Variants in KCNJ12 observed in about 807,000 individuals in gnomAD.
KCNJ12 encodes potassium inwardly rectifying channel subfamily J member 12, also known as ATP-sensitive inward rectifier potassium channel 12.
KCNJ12 carries 2 observed loss-of-function variants against 22.3 expected under a neutral mutation model. The observed-to-expected ratio is 0.09, with a 90% CI of 0.04 to 0.28. The LOEUF is 0.28. KCNJ12 is among the 10% of genes least tolerant of loss of function. KCNJ12 has a pLI of 1.00. For synonymous variants in KCNJ12, 117 were observed against 261.4 expected (o/e 0.45, Z 5.33); for missense variants, 155 against 633.3 (o/e 0.24, Z 8.11).
At chr17:21,410,540 A>AG (rs1334280210) in intron 2 of KCNJ12, among the ~76,000 whole-genome samples, 1 of 152,288 alleles carries the variant, frequency 6.6e-6, no homozygotes, top group Non-Finnish European at 1.5e-5. Flanking sequence ...CTTGATCATG[A>AG]GGTAGAGTGC....
At chr17:21,381,656 C>T (rs960508312) in intron 1 of KCNJ12, among the ~76,000 whole-genome samples, 1 of 152,218 alleles carries the variant, frequency 6.6e-6, no homozygotes, top group Admixed American at 6.5e-5. Flanking sequence ...TCCAGGACCT[C>T]CCCTGATTCC....
chr17:21,385,430 T>A (rs1403034939), intron 1 of KCNJ12, among the ~76,000 whole-genome samples: 4 of 152,304 alleles, frequency 2.6e-5, no homozygotes, highest in Middle Eastern at 3.4e-3. Context: ...CCTGGCCTCC[T>A]TGATCCCTAT....
intron 1 of KCNJ12, among the ~76,000 whole-genome samples, chr17:21,392,542 G>A (rs1567698691): frequency 1.3e-5 from 2 of 152,252 alleles, no homozygotes; most frequent in African/African-American, 2.4e-5. Flanking sequence ...GGACCAGCAG[G>A]AGCCCCACCA....
intron 1 of KCNJ12, among the ~76,000 whole-genome samples, chr17:21,391,780 G>A (rs1323292374): frequency 2.0e-5 from 3 of 152,188 alleles, no homozygotes; most frequent in Non-Finnish European, 2.9e-5. Flanking sequence ...TCAGAACTGG[G>A]CTCCCATCTA....
intron 1 of KCNJ12, among the ~76,000 whole-genome samples, chr17:21,407,993 T>TCATCATCCATCCATCCATC (rs1906076757): frequency 7.4e-6 from 1 of 134,472 alleles, no homozygotes; most frequent in African/African-American, 2.8e-5. Flanking sequence ...CACCCATCCA[T>TCATCATCCATCCATCCATC]CATCCATCCA....
intron 1 of KCNJ12, among the ~76,000 whole-genome samples, chr17:21,396,142 C>T (rs1055837035): frequency 6.6e-6 from 1 of 152,288 alleles, no homozygotes; most frequent in Admixed American, 6.5e-5. Flanking sequence ...GCTGCCCTGG[C>T]CTTGGGGTTG....
chr17:21,412,459 GC>G (rs1292203982), intron 2 of KCNJ12, among the ~76,000 whole-genome samples: 1 of 152,308 alleles, frequency 6.6e-6, no homozygotes, highest in Non-Finnish European at 1.5e-5. Context: ...CGGAGCAGGG[GC>G]TGGAGCAGCC....
In KCNJ12 at chr17:21,376,526, C is replaced by A. The variant is rs951152218; in HGVS notation, c.-566C>A. The A allele has an allele frequency of 1.3e-5, 2 of 151,784 alleles. No homozygotes were observed. Among genetic ancestry groups the A allele is most frequent in the African/African-American group, 4.8e-5 (2 of 41,312 alleles). The allele number at this position is 151,784 out of a possible 1,614,324, so 9.4% of individuals were successfully genotyped here. On this transcript the variant is annotated 5_prime_UTR_variant, in exon 1 of 3. Coordinates refer to ENST00000583088, the MANE Select transcript of KCNJ12 (RefSeq NM_021012.5). The surrounding 1 kb of genome is among the most constrained non-coding windows in gnomAD (Gnocchi z 5.3). ...AGTAGCCGGGGGAGGGGGACTGGCG[C>A]GGTCAGAGCCTGCGAGGAGGTGCGG...
intron 1 of KCNJ12, among the ~76,000 whole-genome samples, chr17:21,389,240 AC>A (rs1344272067): frequency 5.9e-5 from 9 of 152,036 alleles, no homozygotes; most frequent in African/African-American, 2.2e-4. Flanking sequence ...CCCACCTGTG[AC>A]CTCAGCCACA....
At chr17:21,402,720 C>T in intron 1 of KCNJ12, among the ~76,000 whole-genome samples, 1 of 152,312 alleles carries the variant, frequency 6.6e-6, no homozygotes, top group Non-Finnish European at 1.5e-5. Context: ...CTGTAACGTG[C>T]TCCCCTACAG....
At chr17:21,409,663 T>C (rs1906207341) in intron 2 of KCNJ12, among the ~76,000 whole-genome samples, 1 of 152,308 alleles carries the variant, frequency 6.6e-6, no homozygotes, top group African/African-American at 2.4e-5. Context: ...CAGCCTGCCC[T>C]CTGAATGGCA....
chr17:21,384,770 GTTTT>G (rs200586129), intron 1 of KCNJ12, among the ~76,000 whole-genome samples: 1 of 128,674 alleles, frequency 7.8e-6, no homozygotes. Context: ...TTGTTTGTTT[GTTTT>G]TTTTTTTTTT....
intron 1 of KCNJ12, among the ~76,000 whole-genome samples, chr17:21,396,844 C>G (rs1223311611): frequency 6.6e-6 from 1 of 152,140 alleles, no homozygotes; most frequent in Admixed American, 6.5e-5. Context: ...GCCGTGGGGA[C>G]GGACTGTGCA....
At chr17:21,399,924 G>A (rs1163892185) in intron 1 of KCNJ12, among the ~76,000 whole-genome samples, 1 of 152,196 alleles carries the variant, frequency 6.6e-6, no homozygotes, top group Admixed American at 6.5e-5. Context: ...TGTTCCTGAC[G>A]CACAGCAGTT....
intron 2 of KCNJ12, among the ~76,000 whole-genome samples, chr17:21,411,395 G>A (rs577493495): frequency 5.9e-5 from 9 of 152,216 alleles, no homozygotes; most frequent in African/African-American, 1.4e-4. Flanking sequence ...TGCCGGGCCC[G>A]TGCTCTCTCC....
At chr17:21,408,807 C>G (rs1280860385) in intron 2 of KCNJ12, among the ~76,000 whole-genome samples, 167 bp downstream of exon 2, 1 of 152,216 alleles carries the variant, frequency 6.6e-6, no homozygotes, top group Non-Finnish European at 1.5e-5. Flanking sequence ...GCCTCCACCC[C>G]TCCATCCATC....
rs148652222 is a variant in KCNJ12 at position 21,381,202 on chromosome 17, C to A, written c.-179+4289C>A. On this transcript the variant is annotated intron_variant, in intron 1 of 2. Coordinates refer to ENST00000583088, the MANE Select transcript of KCNJ12 (RefSeq NM_021012.5). ...TGCCCACCTGGACTGAGCCCTCCCTCCTGCTTGGGCAGCCAAAGCCTCCCT... is the reference window on the plus strand; with the variant it reads ...TGCCCACCTGGACTGAGCCCTCCCTACTGCTTGGGCAGCCAAAGCCTCCCT... Among the ~76,000 whole-genome samples the A allele has an allele frequency of 2.9e-3, 444 of 152,286 alleles. 4 individuals carry two copies. The highest frequency in any genetic ancestry group is 0.01 in the African/African-American group (420 of 41,558).
At chr17:21,414,206 G>T (rs1461719881) in intron 2 of KCNJ12, among the ~76,000 whole-genome samples, 22 of 152,282 alleles carry the variant, frequency 1.4e-4, no homozygotes, top group Admixed American at 1.2e-3. Context: ...AAGAGAAAAC[G>T]TCTCACGCCT....
chr17:21,418,777 G>GCTTGACACT lies in KCNJ12; in HGVS notation c.*2134_*2142dup, dbSNP rs1555563327. The GCTTGACACT allele has an allele frequency of 6.0e-6, 1 of 167,252 alleles. No homozygotes were observed. Among genetic ancestry groups the GCTTGACACT allele is most frequent in the Non-Finnish European group, 1.5e-5 (1 of 68,354 alleles). 10.4% of individuals were successfully genotyped at this position (167,252 alleles called of 1,614,324 possible). A position where few individuals can be genotyped will look rare whatever the true frequency, so the allele number is the denominator to read the frequency against. On this transcript the variant is annotated 3_prime_UTR_variant, in exon 3 of 3. Coordinates refer to ENST00000583088, the MANE Select transcript of KCNJ12 (RefSeq NM_021012.5). ...ACTGGGGTGAAGTTGGCAGGGGAGA[G>GCTTGACACT]CTTGACACTTCGCCTCCCTGATGGC...
Sources: allele counts gnomAD v4.1 joint callset (sites outside exome capture counted in the v4.1 genomes callset), GRCh38; gene constraint gnomAD v4.1.1; non-coding constraint Gnocchi (gnomAD v3.1); transcripts MANE v1.5; gene names NCBI Gene and HGNC (gene_info 2026-07-23, HGNC 2026-07-21).